Variants in A4GALT observed in about 807,000 individuals in gnomAD.
The protein encoded by A4GALT is lactosylceramide 4-alpha-galactosyltransferase.
For missense variants in A4GALT, 512 were observed against 486.0 expected, an observed-to-expected ratio of 1.05 and a Z score of -0.50; for synonymous variants, 257 against 220.7, an observed-to-expected ratio of 1.16 and a Z score of -1.46.
chr22:42,705,127 A>G (rs1395726648), intron 1 of A4GALT, among the ~76,000 whole-genome samples: 2 of 152,202 alleles, frequency 1.3e-5, no homozygotes, highest in African/African-American at 2.4e-5. Flanking sequence ...CTTTCACCAG[A>G]GAAACCCAGA....
At chr22:42,701,684 G>A (rs1421793183) in intron 1 of A4GALT, among the ~76,000 whole-genome samples, 5 of 152,192 alleles carry the variant, frequency 3.3e-5, no homozygotes, top group African/African-American at 9.7e-5. Flanking sequence ...CATAAGCACT[G>A]ACTCAGGTCC....
chr22:42,693,255 A>G lies in A4GALT; in HGVS notation c.697T>C (p.Cys233Arg). 1 of 1,612,580 alleles carries G rather than the reference A, an allele frequency of 6.2e-7. No individual in the cohort carries two copies. The highest frequency in any genetic ancestry group is 8.5e-7 in the Non-Finnish European group (1 of 1,179,792). ...TAGTGGTCCACGAAGTCCCGCATGC[A>G]CAGCGCCATGAACTCGTGCCGGCGC... is the stretch of plus-strand genomic sequence containing the variant. ...FERRHEFMAL[C>R]MRDFVDHYNG... The change falls in exon 3 of 3, where the codon TGC becomes CGC. Residue 233 changes from cysteine (C) to arginine (R), a missense_variant. Physicochemically the swap from Cys to Arg is radical, Grantham distance 180 (BLOSUM62 -3). Coordinates refer to ENST00000642412, the MANE Select transcript of A4GALT (RefSeq NM_017436.7).
Position 42,692,388 on chromosome 22 carries a change from A to AC in A4GALT, c.*501dup, listed in dbSNP as rs1355688359. The stretch of plus-strand genomic sequence containing the variant: ...CACTCAGTCCCTGTTGACCTCCCCC[A>AC]CCCCCCGCGAAAGAGGAACCAAAAC... On this transcript the variant is annotated 3_prime_UTR_variant, in exon 3 of 3. Coordinates refer to ENST00000642412, the MANE Select transcript of A4GALT (RefSeq NM_017436.7). The surrounding 1 kb of genome is among the most constrained non-coding windows in gnomAD (Gnocchi z 4.6). 2 of 234,540 alleles carry AC rather than the reference A, an allele frequency of 8.5e-6. No individual in the cohort carries two copies. Among genetic ancestry groups the AC allele is most frequent in the Non-Finnish European group, 1.7e-5 (2 of 120,354 alleles). The allele number at this position is 234,540 out of a possible 1,614,324, so 14.5% of individuals were successfully genotyped here.
At chr22:42,713,669 A>G (rs1278086953) in intron 1 of A4GALT, among the ~76,000 whole-genome samples, 1 of 152,032 alleles carries the variant, frequency 6.6e-6, no homozygotes, top group Non-Finnish European at 1.5e-5. Flanking sequence ...AAAATTAGCC[A>G]GGCATGGTGG....
chr22:42,709,067 A>ATATATATATATATATATATATATTTTTT (rs1180529043), intron 1 of A4GALT, among the ~76,000 whole-genome samples: 1 of 128,806 alleles, frequency 7.8e-6, no homozygotes, highest in Non-Finnish European at 1.7e-5. Flanking sequence ...ATATATATAT[A>ATATATATATATATATATATATATTTTTT]TTTTTTTTAA....
At chr22:42,703,438 T>C (rs1030842711) in intron 1 of A4GALT, among the ~76,000 whole-genome samples, 1 of 151,984 alleles carries the variant, frequency 6.6e-6, no homozygotes, top group Non-Finnish European at 1.5e-5. Flanking sequence ...GTATTTTTAG[T>C]AGAGACGGGG....
chr22:42,719,734 G>A (rs1420263552), intron 1 of A4GALT, among the ~76,000 whole-genome samples: 1 of 152,142 alleles, frequency 6.6e-6, no homozygotes, highest in East Asian at 1.9e-4. Flanking sequence ...GGTGACAAAG[G>A]GGAAGTCTTT....
intron 1 of A4GALT, among the ~76,000 whole-genome samples, chr22:42,703,883 TC>T (rs969001541): frequency 1.8e-4 from 28 of 152,252 alleles, no homozygotes; most frequent in Admixed American, 1.3e-3. Context: ...AGAATTCAAA[TC>T]CAGGCCCTGC....
chr22:42,693,203 C>T lies in A4GALT; in HGVS notation c.749G>A (p.Gly250Asp). ...GAAGACCCGCGTGAGCAGCTGCGGGCCCTGGTGACCCCAGATCCAGCCGTT... is the reference window on the plus strand; with the variant it reads ...GAAGACCCGCGTGAGCAGCTGCGGGTCCTGGTGACCCCAGATCCAGCCGTT... ...HYNGWIWGHQ[G>D]PQLLTRVFKK... The change falls in exon 3 of 3, where the codon GGC (glycine) becomes GAC (aspartate). Residue 250 changes from glycine (G) to aspartate (D), a missense_variant. Physicochemically the swap from Gly to Asp is moderately conservative, Grantham distance 94. Coordinates refer to ENST00000642412, the MANE Select transcript of A4GALT (RefSeq NM_017436.7). 6.2e-7 allele frequency: 1 copy of T among 1,603,236 alleles called. No individual in the cohort carries two copies. The highest frequency in any genetic ancestry group is 8.5e-7 in the Non-Finnish European group (1 of 1,175,760).
chr22:42,714,475 T>A (rs1752204187), intron 1 of A4GALT, among the ~76,000 whole-genome samples: 1 of 151,120 alleles, frequency 6.6e-6, no homozygotes, highest in Admixed American at 6.6e-5. Flanking sequence ...CTTGGGAGGC[T>A]GAGGTAGGAG....
At position 42,715,837 on chromosome 22, in the gene A4GALT, TTTTG is replaced by T. The variant is rs1030162090; in HGVS notation, c.-188+4956_-188+4959del. 1.1e-3 allele frequency among the ~76,000 whole-genome samples: 89 copies of T among 83,076 alleles called. 6 individuals are homozygous for T. Among genetic ancestry groups the T allele is most frequent in the Non-Finnish European group, 1.1e-3 (41 of 36,170 alleles). The allele number at this position is 83,076 out of a possible 152,430, so 54.5% of individuals were successfully genotyped here. On this transcript the variant is annotated intron_variant, in intron 1 of 2. Coordinates refer to ENST00000642412, the MANE Select transcript of A4GALT (RefSeq NM_017436.7). ...CTGGCCGGAAAGATACAATCTTTTT[TTTTG>T]TTTTTTTTGAGATGGAGTTTCGCTC...
intron 1 of A4GALT, among the ~76,000 whole-genome samples, chr22:42,715,530 T>C (rs534638382): frequency 5.5e-4 from 84 of 152,114 alleles, no homozygotes; most frequent in African/African-American, 1.7e-3. Flanking sequence ...CAGACCAGCC[T>C]GGGCAACATA....
chr22:42,695,657 G>GA (rs1930871407), intron 1 of A4GALT, 26 bp from the exon 2 acceptor site: 1 of 152,214 alleles, frequency 6.6e-6, no homozygotes, highest in South Asian at 2.1e-4. Flanking sequence ...AGAAGAGAGT[G>GA]AAACAGGTCG....
intron 1 of A4GALT, among the ~76,000 whole-genome samples, chr22:42,703,671 C>CT (rs1212114857): frequency 6.6e-6 from 1 of 152,174 alleles, no homozygotes; most frequent in Non-Finnish European, 1.5e-5. Context: ...GGTCACTTTC[C>CT]TTTTTGGGCC....
chr22:42,700,583 C>T (rs1931233484), intron 1 of A4GALT, among the ~76,000 whole-genome samples: 1 of 152,174 alleles, frequency 6.6e-6, no homozygotes, highest in South Asian at 2.1e-4. Context: ...TGTGGCCACC[C>T]CTGCTGACCT....
In A4GALT at chr22:42,714,273, T is replaced by TC. The variant is rs1474422999; in HGVS notation, c.-188+6523dup. ...CTGGGCAACAGAGCAAGACTCTGTC[T>TC]CAAAAAAAAAAAAAAAAAAAAAAAA... On this transcript the variant is annotated intron_variant, in intron 1 of 2. Transcript: ENST00000642412. Among the ~76,000 whole-genome samples the TC allele has an allele frequency of 6.0e-4, 8 of 13,314 alleles. No individual in the cohort carries two copies. The East Asian group carries it at 0.017, about 28-fold the overall frequency. The allele number at this position is 13,314 out of a possible 152,430, so 8.7% of individuals were successfully genotyped here. A position where few individuals can be genotyped will look rare whatever the true frequency, so the allele number is the denominator to read the frequency against.
chr22:42,720,212 G>C (rs1922587283), intron 1 of A4GALT, among the ~76,000 whole-genome samples: 1 of 107,034 alleles, frequency 9.3e-6, no homozygotes, highest in African/African-American at 3.4e-5. Context: ...TGCCCAGCTC[G>C]TACCCAGGCC....
At chr22:42,714,229 C>T (rs955408038) in intron 1 of A4GALT, among the ~76,000 whole-genome samples, 7 of 131,706 alleles carry the variant, frequency 5.3e-5, no homozygotes, top group Admixed American at 4.4e-4. Context: ...GAGCTATGCT[C>T]ATACCACCGC....
intron 1 of A4GALT, among the ~76,000 whole-genome samples, chr22:42,711,085 C>G (rs895279385): frequency 6.6e-6 from 1 of 150,808 alleles, no homozygotes; most frequent in African/African-American, 2.4e-5. Flanking sequence ...TCACATAAGT[C>G]GAATTTTTCT....
Sources: allele counts gnomAD v4.1 joint callset (sites outside exome capture counted in the v4.1 genomes callset), GRCh38; gene constraint gnomAD v4.1.1; non-coding constraint Gnocchi (gnomAD v3.1); transcripts MANE v1.5; gene names NCBI Gene and HGNC (gene_info 2026-07-23, HGNC 2026-07-21).